Variants in FXR2 observed in about 807,000 individuals in gnomAD.
FXR2 encodes the protein RNA-binding protein FXR2.
Under a neutral mutation model 87.3 loss-of-function variants are expected in FXR2, and 9 were observed. That is an observed-to-expected ratio of 0.10 (90% CI 0.06 to 0.18). The LOEUF (loss-of-function observed/expected upper bound fraction) is 0.18, where lower values mean the gene tolerates loss of function less well. Ranked by LOEUF, FXR2 falls within the 10% of genes least tolerant of loss-of-function variation. The probability of loss-of-function intolerance (pLI) is 1.00; values close to 1 mark genes in which losing one functional copy is unlikely to be tolerated. For missense variants in FXR2, 661 were observed against 893.6 expected (o/e 0.74, Z 3.32); for synonymous variants, 331 against 328.3 (o/e 1.01, Z -0.09).
intron 1 of FXR2, chr17:7,614,190 A>C: frequency 1.5e-6 from 1 of 669,786 alleles, no homozygotes. Flanking sequence ...GGGGAGCGCC[A>C]AGCCAGGGAC....
intron 1 of FXR2, among the ~76,000 whole-genome samples, chr17:7,610,035 T>C (rs2071848332): frequency 1.0e-5 from 1 of 97,104 alleles, no homozygotes; most frequent in South Asian, 3.0e-4. Context: ...TGTATACATG[T>C]ATGTATATAT....
intron 1 of FXR2, among the ~76,000 whole-genome samples, chr17:7,610,527 C>T (rs1169546222): frequency 1.3e-5 from 2 of 152,146 alleles, no homozygotes; most frequent in African/African-American, 4.8e-5. Flanking sequence ...CATTACTCAG[C>T]AGTTCAACCA....
intron 1 of FXR2, among the ~76,000 whole-genome samples, chr17:7,609,933 T>TAC (rs1410866188): frequency 3.8e-4 from 40 of 103,912 alleles, no homozygotes; most frequent in South Asian, 3.4e-3. Context: ...TGTATATGTA[T>TAC]ATATATACAT....
intron 7 of FXR2, 67 bp downstream of exon 7, chr17:7,601,342 T>C: frequency 2.3e-6 from 2 of 880,048 alleles, no homozygotes; most frequent in Non-Finnish European, 3.9e-6. Flanking sequence ...AGATCATGGA[T>C]GGAGGACAGG....
At chr17:7,605,775 A>C in intron 2 of FXR2, 37 bp from the exon 3 acceptor site, 1 of 1,149,128 alleles carries the variant, frequency 8.7e-7, no homozygotes, top group Non-Finnish European at 1.3e-6. Context: ...AGCTACTCTG[A>C]CTGATATGGT....
chr17:7,600,933 A>G (rs1174361161), intron 7 of FXR2, among the ~76,000 whole-genome samples: 1 of 151,660 alleles, frequency 6.6e-6, no homozygotes. Context: ...TAATCCCAGC[A>G]CTTTGGGAGG....
rs115755473 is a variant in FXR2 at position 7,610,210 on chromosome 17, C to T, written c.82-4061G>A. Among the ~76,000 whole-genome samples, 1,354 of 151,956 alleles carry T rather than the reference C, an allele frequency of 8.9e-3. 26 individuals are homozygous for T. The highest frequency in any genetic ancestry group is 0.03 in the African/African-American group (1,238 of 41,434). On this transcript the variant is annotated intron_variant, in intron 1 of 16. Coordinates refer to ENST00000250113, the MANE Select transcript of FXR2 (RefSeq NM_004860.4). ...TAGAATTATTCCAACCAGCCTCTTC[C>T]GCTGACTTTATCCAGTTCTTTACCC...
At chr17:7,606,812 G>T (rs1389836331) in intron 1 of FXR2, among the ~76,000 whole-genome samples, 1 of 152,070 alleles carries the variant, frequency 6.6e-6, no homozygotes, top group Non-Finnish European at 1.5e-5. Context: ...TTGATATTTT[G>T]ACAAGAGCAA....
rs371092074 is a variant in FXR2 at position 7,593,089 on chromosome 17, T to A, written c.1423A>T (p.Thr475Ser). 5.3e-5 allele frequency: 84 copies of A among 1,592,394 alleles called. No homozygotes were observed. The highest frequency in any genetic ancestry group is 7.1e-5 in the Non-Finnish European group (83 of 1,170,772). Reference sequence around the variant, plus strand: ...CGCCTCCGGCTTTCTTCCCCTCGGGTTGGGGGATCCCTGTCGCCAGGCCCA... The same window carrying A: ...CGCCTCCGGCTTTCTTCCCCTCGGGATGGGGGATCCCTGTCGCCAGGCCCA... ...RAGPGDRDPP[T>S]RGEESRRRPT... The change falls in exon 13 of 17, where the codon ACC becomes TCC. Residue 475 changes from threonine to serine, a missense_variant. This residue lies in a region of FXR2 where 409 missense variants were observed against 432.0 expected (regional missense o/e 0.95). Transcript: ENST00000250113. This position sits in a 1 kb window ranked among gnomAD's most constrained non-coding sequence, Gnocchi z 6.1.
Position 7,594,763 on chromosome 17 carries a change from G to A in FXR2, c.832-6C>T. On this transcript the variant is annotated splice_polypyrimidine_tract_variant and splice_region_variant and intron_variant, in intron 8 of 16. Transcript: ENST00000250113. The surrounding 1 kb of genome is among the most constrained non-coding windows in gnomAD (Gnocchi z 5.1). ...TGTCGGCAAGCCTCGGGAGTCTAAA[G>A]GAAGAACAGCAGGGAGTTGTTACTA... 2 of 1,588,576 alleles carry A rather than the reference G, an allele frequency of 1.3e-6. No individual in the cohort carries two copies. The highest frequency in any genetic ancestry group is 1.7e-6 in the Non-Finnish European group (2 of 1,156,778).
chr17:7,592,703 T>C lies in FXR2; in HGVS notation c.1720A>G (p.Asn574Asp), dbSNP rs751692141. 6.8e-6 allele frequency: 11 copies of C among 1,613,280 alleles called. No homozygotes were observed. Among genetic ancestry groups the C allele is most frequent in the Non-Finnish European group, 9.3e-6 (11 of 1,179,674 alleles). Reference protein sequence around the residue: ...LESDGPNMTENGLEDESRPQR... With the variant: ...LESDGPNMTEDGLEDESRPQR... ...CCAGGCACACCCTCACCCAGGCCAT[T>C]CTCTGTCATGTTGGGCCCATCTGAT... The change falls in exon 14 of 17, where the codon AAT (asparagine) becomes GAT (aspartate). Residue 574 changes from asparagine to aspartate, a missense_variant. Transcript: ENST00000250113. This position sits in a 1 kb window ranked among gnomAD's most constrained non-coding sequence, Gnocchi z 4.8.
chr17:7,596,048 G>A lies in FXR2; in HGVS notation c.661-54C>T, dbSNP rs535865489. 9.5e-6 allele frequency: 13 copies of A among 1,365,614 alleles called. No individual in the cohort carries two copies. The Admixed American group carries it at 1.1e-4, about 11-fold the overall frequency. The allele number at this position is 1,365,614 out of a possible 1,614,324, so 84.6% of individuals were successfully genotyped here. On this transcript the variant is annotated intron_variant, in intron 7 of 16. Transcript: ENST00000250113. ...TGGTGGTAGAATCTCACAGTCCCAGGCACACGACCCTTTGCATAACTTAAA... is the reference window on the plus strand; with the variant it reads ...TGGTGGTAGAATCTCACAGTCCCAGACACACGACCCTTTGCATAACTTAAA...
chr17:7,594,072 G>T lies in FXR2; in HGVS notation c.1021-68C>A. On this transcript the variant is annotated intron_variant, in intron 10 of 16. Coordinates refer to ENST00000250113, the MANE Select transcript of FXR2 (RefSeq NM_004860.4). This position sits in a 1 kb window ranked among gnomAD's most constrained non-coding sequence, Gnocchi z 5.1. Reference sequence around the variant, plus strand: ...GAAATGGAAGGATTAACGCCGCCCAGTCTCCTAGGGGAGCCTGCCCAGTGG... The same window carrying T: ...GAAATGGAAGGATTAACGCCGCCCATTCTCCTAGGGGAGCCTGCCCAGTGG... The T allele has an allele frequency of 9.1e-7, 1 of 1,102,670 alleles. No individual in the cohort carries two copies. The highest frequency in any genetic ancestry group is 1.4e-6 in the Non-Finnish European group (1 of 715,174). The allele number at this position is 1,102,670 out of a possible 1,614,324, so 68.3% of individuals were successfully genotyped here. A position where few individuals can be genotyped will look rare whatever the true frequency, so the allele number is the denominator to read the frequency against.
intron 2 of FXR2, 110 bp downstream of exon 2, chr17:7,605,987 A>AC: frequency 1.3e-6 from 1 of 763,168 alleles, no homozygotes; most frequent in South Asian, 1.6e-5. Flanking sequence ...TCCCACCCAA[A>AC]CCCTCAGCTC....
Position 7,594,593 on chromosome 17 carries a change from A to T in FXR2, c.910+86T>A. On this transcript the variant is annotated intron_variant, in intron 9 of 16. Transcript: ENST00000250113. This position sits in a 1 kb window ranked among gnomAD's most constrained non-coding sequence, Gnocchi z 5.1. ...CTTGTGAAACTGGGAGTCCACAGGGAGGTGCCAATCCTGGATAAAAGCTCA... is the reference window on the plus strand; with the variant it reads ...CTTGTGAAACTGGGAGTCCACAGGGTGGTGCCAATCCTGGATAAAAGCTCA... 1 of 877,588 alleles carries T rather than the reference A, an allele frequency of 1.1e-6. No homozygotes were observed. The highest frequency in any genetic ancestry group is 2.0e-6 in the Non-Finnish European group (1 of 511,372). 54.4% of individuals were successfully genotyped at this position (877,588 alleles called of 1,614,324 possible).
At position 7,593,119 on chromosome 17, in the gene FXR2, G is replaced by A. The variant is rs1010875649; in HGVS notation, c.1393C>T (p.Arg465Ter). 1 of 1,582,192 alleles carries A rather than the reference G, an allele frequency of 6.3e-7. No homozygotes were observed. The highest frequency in any genetic ancestry group is 1.9e-5 in the Admixed American group (1 of 53,248). Residue 465 changes from arginine to a stop codon, truncating the protein, a stop_gained, in exon 13 of 17, where the codon CGA becomes TGA. Transcript: ENST00000250113. LOFTEE classifies it high-confidence loss of function. The surrounding 1 kb of genome is among the most constrained non-coding windows in gnomAD (Gnocchi z 6.1). ...GGATCCCTGTCGCCAGGCCCAGCTC[G>A]GTTGGGCTCCTCTCTCTTCTCTGAC... ...TESEKREEPN[R>*]AGPGDRDPPT...
At chr17:7,611,292 A>G (rs921441828) in intron 1 of FXR2, among the ~76,000 whole-genome samples, 1 of 152,042 alleles carries the variant, frequency 6.6e-6, no homozygotes, top group African/African-American at 2.4e-5. Flanking sequence ...AAAAGGACGG[A>G]AAAAAAGAGT....
chr17:7,610,795 G>A (rs1244154725), intron 1 of FXR2, among the ~76,000 whole-genome samples: 1 of 152,216 alleles, frequency 6.6e-6, no homozygotes, highest in African/African-American at 2.4e-5. Context: ...CCTAGATCCA[G>A]AGGATAACTT....
chr17:7,600,260 G>A (rs1321270483), intron 7 of FXR2, among the ~76,000 whole-genome samples: 3 of 150,382 alleles, frequency 2.0e-5, no homozygotes, highest in Non-Finnish European at 3.0e-5. Context: ...GTGCAATGGC[G>A]CAATCTTGGC....
Sources: gnomAD v4.1 joint callset for allele counts (sites outside exome capture counted in the v4.1 genomes callset) on GRCh38, gnomAD v4.1.1 for gene constraint, gnomAD v4.1.1 regional missense constraint, Gnocchi (gnomAD v3.1) non-coding constraint, MANE v1.5 for transcripts, NCBI Gene and HGNC (gene_info 2026-07-23, HGNC 2026-07-21) for gene names.